The following TSPEAR variants were observed in gnomAD, a reference collection of about 807,000 sequenced individuals.
TSPEAR encodes the protein thrombospondin-type laminin G domain and EAR repeat-containing protein.
A neutral mutation model predicts 71.6 loss-of-function variants in TSPEAR; 69 were observed. The observed-to-expected ratio is 0.96, with a 90% confidence interval of 0.79 to 1.18. The LOEUF is 1.18. Ranked by LOEUF, TSPEAR falls within the 50% of genes most tolerant of loss-of-function variation. TSPEAR has a pLI of 0.00. For missense variants in TSPEAR, 971 were observed against 894.9 expected, an observed-to-expected ratio of 1.09 and a Z score of -1.09; for synonymous variants, 402 against 387.2, an observed-to-expected ratio of 1.04 and a Z score of -0.45.
intron 9 of TSPEAR, chr21:44,517,710 C>G: frequency 4.3e-6 from 2 of 467,702 alleles, no homozygotes; most frequent in Non-Finnish European, 8.9e-6. Flanking sequence ...CAGTGGCCAG[C>G]GTCCTTGTCC....
rs1434541837 is a variant in TSPEAR, at chr21:44,710,439, C to A, written c.82+994G>T. Among the ~76,000 whole-genome samples, 2 of 151,756 alleles carry A rather than the reference C, an allele frequency of 1.3e-5. No individual in the cohort carries two copies. Among genetic ancestry groups the A allele is most frequent in the Admixed American group, 6.6e-5 (1 of 15,264 alleles). On this transcript the variant is annotated intron_variant, in intron 1 of 11. Coordinates refer to ENST00000323084, the MANE Select transcript of TSPEAR (RefSeq NM_144991.3). The surrounding 1 kb of genome is among the most constrained non-coding windows in gnomAD (Gnocchi z 4.6). ...CCCCCACCCCCACCCCCACCCCCCA[C>A]GCGAGTCAGCACGTTCCATACTCGG...
At chr21:44,654,077 T>G (rs1203337912) in intron 1 of TSPEAR, 20 of 602,366 alleles carry the variant, frequency 3.3e-5, no homozygotes, top group Admixed American at 1.5e-4. Context: ...TGGCCCAGGC[T>G]GTGAACCCAG....
At position 44,637,771 on chromosome 21, in the gene TSPEAR, C is replaced by G. The variant is rs138399061; in HGVS notation, c.83-69766G>C. ...ACAAGCCTGTGTGCTTCGTGCCTAC[C>G]TGCTCCGAGTCTTCCCCTTCATGCT... On this transcript the variant is annotated intron_variant, in intron 1 of 11. Coordinates refer to ENST00000323084, the MANE Select transcript of TSPEAR (RefSeq NM_144991.3). The G allele has an allele frequency of 3.7e-6, 5 of 1,361,228 alleles. No individual in the cohort carries two copies. The African/African-American group carries it at 7.9e-5, about 22-fold the overall frequency. 84.3% of individuals were successfully genotyped at this position (1,361,228 alleles called of 1,614,324 possible). A position where few individuals can be genotyped will look rare whatever the true frequency, so the allele number is the denominator to read the frequency against.
At chr21:44,537,101 C>T (rs1555916444) in intron 2 of TSPEAR, among the ~76,000 whole-genome samples, 6 of 152,174 alleles carry the variant, frequency 3.9e-5, no homozygotes, top group Non-Finnish European at 8.8e-5. Flanking sequence ...TAGTTTCCTC[C>T]TACATATTTA....
chr21:44,630,248 G>A (rs1022687202), intron 1 of TSPEAR, among the ~76,000 whole-genome samples: 1 of 152,200 alleles, frequency 6.6e-6, no homozygotes, highest in Non-Finnish European at 1.5e-5. Context: ...AGGCAGGAGA[G>A]GAGCACAGTA....
At chr21:44,556,436 T>TA (rs1183441555) in intron 2 of TSPEAR, among the ~76,000 whole-genome samples, 1 of 151,612 alleles carries the variant, frequency 6.6e-6, no homozygotes, top group African/African-American at 2.4e-5. Flanking sequence ...CTCATGCCTG[T>TA]AATCCCAGCA....
intron 1 of TSPEAR, chr21:44,666,786 C>T (rs782520872): frequency 6.2e-7 from 1 of 1,612,098 alleles, no homozygotes; most frequent in South Asian, 1.1e-5. Flanking sequence ...AGGCACACAG[C>T]AGGATGCCTG....
At chr21:44,650,320 T>A (rs1254158104) in intron 1 of TSPEAR, among the ~76,000 whole-genome samples, 3 of 151,834 alleles carry the variant, frequency 2.0e-5, no homozygotes, top group African/African-American at 7.3e-5. Context: ...CAAGTTGAAG[T>A]GAAGTCATTA....
intron 1 of TSPEAR, chr21:44,601,587 C>T (rs587632292): frequency 1.7e-5 from 28 of 1,613,510 alleles, no homozygotes; most frequent in African/African-American, 4.0e-5. Flanking sequence ...CCGCCTGCTG[C>T]GTGCCCGTCC....
rs1173732058 is a variant in TSPEAR, at chr21:44,666,583, A to G, written c.82+44850T>C. ...CAGCTCACAGGCACGCACAGGGAGG[A>G]CTGGCAGGAGGGGGCTGCACACACA... On this transcript the variant is annotated intron_variant, in intron 1 of 11. Coordinates refer to ENST00000323084, the MANE Select transcript of TSPEAR (RefSeq NM_144991.3). 3.7e-6 allele frequency: 6 copies of G among 1,612,300 alleles called. No individual in the cohort carries two copies. The East Asian group carries it at 1.1e-4, about 30-fold the overall frequency.
At chr21:44,539,534 G>A in intron 2 of TSPEAR, 1 of 1,612,424 alleles carries the variant, frequency 6.2e-7, no homozygotes, top group Non-Finnish European at 8.5e-7. Flanking sequence ...TGAAGTGGAA[G>A]CCCCAGAGCA....
chr21:44,556,536 C>CA (rs1160295274), intron 2 of TSPEAR, among the ~76,000 whole-genome samples: 3 of 151,966 alleles, frequency 2.0e-5, no homozygotes, highest in African/African-American at 4.8e-5. Flanking sequence ...ACTAAAAATA[C>CA]AAAAAAATTA....
rs530750570 is a variant in TSPEAR at position 44,695,891 on chromosome 21, T to C, written c.82+15542A>G. Among the ~76,000 whole-genome samples the C allele has an allele frequency of 8.5e-5, 13 of 152,294 alleles. No individual in the cohort carries two copies. The highest frequency in any genetic ancestry group is 1.3e-4 in the Non-Finnish European group (9 of 68,014). On this transcript the variant is annotated intron_variant, in intron 1 of 11. Transcript: ENST00000323084. This position sits in a 1 kb window ranked among gnomAD's most constrained non-coding sequence, Gnocchi z 4.5. ...GCCCTCACCTGCTGGTCACTGCCTG[T>C]GGGCCTGAAGCCCTCCAACTTTCCA...
chr21:44,527,563 G>A (rs782453361), intron 6 of TSPEAR, 45 bp from the exon 7 acceptor site: 2 of 1,593,664 alleles, frequency 1.3e-6, no homozygotes, highest in South Asian at 1.1e-5. Context: ...TCCGAGAACG[G>A]AAATCCAGAG....
chr21:44,693,538 T>A (rs1192099348), intron 1 of TSPEAR, among the ~76,000 whole-genome samples: 1 of 152,176 alleles, frequency 6.6e-6, no homozygotes, highest in Non-Finnish European at 1.5e-5. Flanking sequence ...AGTGAAGGTA[T>A]GCAAATGGCC....
chr21:44,639,427 C>T (rs1440844568), intron 1 of TSPEAR, among the ~76,000 whole-genome samples: 1 of 152,212 alleles, frequency 6.6e-6, no homozygotes, highest in Non-Finnish European at 1.5e-5. Flanking sequence ...CACAGAGCTC[C>T]CTGTGGTCAG....
At chr21:44,708,004 C>G (rs1022773268) in intron 1 of TSPEAR, among the ~76,000 whole-genome samples, 1 of 33,922 alleles carries the variant, frequency 2.9e-5, no homozygotes, top group African/African-American at 1.4e-4. Flanking sequence ...CCGCCCCGCG[C>G]GTGCACACAC....
At chr21:44,534,068 G>T in intron 2 of TSPEAR, 145 bp from the exon 3 acceptor site, 2 of 634,230 alleles carry the variant, frequency 3.2e-6, no homozygotes, top group South Asian at 3.6e-5. Context: ...GGGGCGCGGT[G>T]GATGGGAAGG....
intron 9 of TSPEAR, chr21:44,518,531 C>A: frequency 4.9e-6 from 2 of 410,512 alleles, no homozygotes; most frequent in South Asian, 3.6e-5. Context: ...ATTTAGAATG[C>A]AGGACCTCCA....
Sources: gnomAD v4.1 joint callset for allele counts (sites outside exome capture counted in the v4.1 genomes callset) on GRCh38, gnomAD v4.1.1 for gene constraint, Gnocchi (gnomAD v3.1) non-coding constraint, MANE v1.5 for transcripts, NCBI Gene and HGNC (gene_info 2026-07-23, HGNC 2026-07-21) for gene names.